The following ADGRB3 variants were observed in gnomAD, a reference collection of about 807,000 sequenced individuals.
ADGRB3 encodes the protein brain-specific angiogenesis inhibitor 3.
ADGRB3 carries 37 observed loss-of-function variants against 193.4 expected under a neutral mutation model. That is an observed-to-expected ratio of 0.19 (90% CI 0.15 to 0.25). The LOEUF (loss-of-function observed/expected upper bound fraction) is 0.25, where lower values mean the gene tolerates loss of function less well. ADGRB3 is among the 10% of genes least tolerant of loss of function. ADGRB3 has a pLI of 1.00. For synonymous variants in ADGRB3, 690 were observed against 644.2 expected (o/e 1.07, Z -1.08); for missense variants, 1,637 against 1,852.9 (o/e 0.88, Z 2.14).
chr6:68,930,500 AT>A (rs1767308094), intron 3 of ADGRB3, 58 bp from the exon 4 acceptor site: 1 of 1,159,758 alleles, frequency 8.6e-7, no homozygotes, highest in Admixed American at 2.0e-5. Flanking sequence ...TGAGACAGTA[AT>A]GTAATTTGTG....
chr6:68,900,050 A>C (rs1000005636), intron 3 of ADGRB3, among the ~76,000 whole-genome samples: 5 of 152,220 alleles, frequency 3.3e-5, no homozygotes, highest in African/African-American at 1.2e-4. Flanking sequence ...CATTAAAGAC[A>C]CTGTCTTGTA....
At chr6:69,037,128 G>C (rs1448546531) in intron 13 of ADGRB3, among the ~76,000 whole-genome samples, 1 of 152,072 alleles carries the variant, frequency 6.6e-6, no homozygotes, top group African/African-American at 2.4e-5. Flanking sequence ...GTTGTAGGGG[G>C]CGAAAATATC....
chr6:69,201,021 C>T (rs1156311003), intron 17 of ADGRB3, among the ~76,000 whole-genome samples: 2 of 152,078 alleles, frequency 1.3e-5, no homozygotes, highest in Non-Finnish European at 2.9e-5. Flanking sequence ...CCTATGACTT[C>T]ATAGCTTTAA....
At chr6:69,185,127 C>T (rs552531865) in intron 17 of ADGRB3, among the ~76,000 whole-genome samples, 46 of 152,144 alleles carry the variant, frequency 3.0e-4, no homozygotes, top group African/African-American at 1.0e-3. Flanking sequence ...AAATATCTTA[C>T]GTTTTGTAGG....
At chr6:68,842,270 A>G (rs1207706200) in intron 3 of ADGRB3, among the ~76,000 whole-genome samples, 9 of 151,896 alleles carry the variant, frequency 5.9e-5, no homozygotes, top group Admixed American at 5.2e-4. Flanking sequence ...AAAATTGACA[A>G]ACTTTTAGCC....
chr6:69,181,293 A>C (rs1367290062), intron 17 of ADGRB3, among the ~76,000 whole-genome samples: 1 of 152,270 alleles, frequency 6.6e-6, no homozygotes. Context: ...ATCTTGAAAA[A>C]AAAAATGTGT....
At chr6:69,332,446 T>C (rs763797211) in intron 23 of ADGRB3, 3 of 985,398 alleles carry the variant, frequency 3.0e-6, no homozygotes, top group Non-Finnish European at 3.6e-6. Flanking sequence ...CCACACAGCA[T>C]GAGGAATTTA....
intron 3 of ADGRB3, among the ~76,000 whole-genome samples, chr6:68,735,499 T>C (rs538118720): frequency 8.6e-4 from 131 of 152,174 alleles, no homozygotes; most frequent in Non-Finnish European, 1.6e-3. Context: ...ATTATGCAAG[T>C]ATTTGGAAAG....
chr6:68,873,838 A>G (rs1765521554), intron 3 of ADGRB3, among the ~76,000 whole-genome samples: 1 of 152,086 alleles, frequency 6.6e-6, no homozygotes, highest in Non-Finnish European at 1.5e-5. Flanking sequence ...AAATGCTTAT[A>G]TTACATATCC....
chr6:68,730,685 C>T (rs180736605), intron 3 of ADGRB3, among the ~76,000 whole-genome samples: 83 of 151,686 alleles, frequency 5.5e-4, no homozygotes, highest in African/African-American at 1.8e-3. Context: ...AAACCAAAGA[C>T]GGTAAAACTC....
chr6:68,951,351 G>A (rs750713084), intron 6 of ADGRB3, among the ~76,000 whole-genome samples: 33 of 152,138 alleles, frequency 2.2e-4, no homozygotes, highest in African/African-American at 5.5e-4. Context: ...TAATATCGTC[G>A]TCTCCTGAGA....
At chr6:69,281,861 A>G (rs993784928) in intron 20 of ADGRB3, among the ~76,000 whole-genome samples, 2 of 152,218 alleles carry the variant, frequency 1.3e-5, no homozygotes, top group Non-Finnish European at 2.9e-5. Context: ...GTATATCATA[A>G]CACTGGAGGG....
intron 3 of ADGRB3, among the ~76,000 whole-genome samples, chr6:68,697,404 A>C (rs969511031): frequency 6.6e-6 from 1 of 151,884 alleles, no homozygotes; most frequent in Admixed American, 6.6e-5. Context: ...TCGAGCATGT[A>C]AACTCATTTA....
At chr6:68,721,627 A>ATATATATATATAT (rs1765581656) in intron 3 of ADGRB3, among the ~76,000 whole-genome samples, 1 of 140,264 alleles carries the variant, frequency 7.1e-6, no homozygotes, top group African/African-American at 2.6e-5. Context: ...AAGTATAATA[A>ATATATATATATAT]ATATATATAT....
At chr6:69,226,968 A>G (rs1766031046) in intron 17 of ADGRB3, among the ~76,000 whole-genome samples, 1 of 152,224 alleles carries the variant, frequency 6.6e-6, no homozygotes, top group Non-Finnish European at 1.5e-5. Context: ...TCAAGTCACC[A>G]TACATATATC....
chr6:69,251,484 G>GCATTAAATATACATTAAATATA (rs1766618957), intron 20 of ADGRB3, among the ~76,000 whole-genome samples: 1 of 152,024 alleles, frequency 6.6e-6, no homozygotes, highest in Admixed American at 6.6e-5. Flanking sequence ...ACAGTGCCTG[G>GCATTAAATATACATTAAATATA]CACATAGCAC....
At chr6:69,295,245 A>C (rs1767786733) in intron 20 of ADGRB3, among the ~76,000 whole-genome samples, 2 of 152,196 alleles carry the variant, frequency 1.3e-5, no homozygotes, top group Admixed American at 6.5e-5. Flanking sequence ...GCTTCATTTG[A>C]TCAAAAGTTG....
chr6:69,376,082 CTTTTTTTTTTTTTTTTTT>C (rs58780409), intron 30 of ADGRB3, among the ~76,000 whole-genome samples: 1 of 67,370 alleles, frequency 1.5e-5, no homozygotes, highest in Non-Finnish European at 2.8e-5. Flanking sequence ...ATTATGTAGC[CTTTTTTTTTTTTTTTTTT>C]TTTTTTTTTT....
At chr6:69,035,565 C>G (rs917140769) in intron 13 of ADGRB3, among the ~76,000 whole-genome samples, 3 of 152,068 alleles carry the variant, frequency 2.0e-5, no homozygotes, top group Admixed American at 6.6e-5. Flanking sequence ...TGGGGAGACC[C>G]TGAAAAGGAT....
Sources: gnomAD v4.1 joint callset for allele counts (sites outside exome capture counted in the v4.1 genomes callset) on GRCh38, gnomAD v4.1.1 for gene constraint, MANE v1.5 for transcripts, NCBI Gene and HGNC (gene_info 2026-07-23, HGNC 2026-07-21) for gene names.